The following GRID2 variants were observed in gnomAD, a reference collection of about 807,000 sequenced individuals.
The protein encoded by GRID2 is glutamate receptor ionotropic, delta-2.
A neutral mutation model predicts 114.8 loss-of-function variants in GRID2; 33 were observed. That is an observed-to-expected ratio of 0.29 (90% CI 0.22 to 0.38). The LOEUF (loss-of-function observed/expected upper bound fraction) is 0.38, where lower values mean the gene tolerates loss of function less well. Ranked by LOEUF, GRID2 falls within the 10% of genes least tolerant of loss-of-function variation. The pLI is 1.00. For missense variants in GRID2, 1,184 were observed against 1,257.7 expected (o/e 0.94, Z 0.89); for synonymous variants, 505 against 449.9 (o/e 1.12, Z -1.55).
At chr4:93,433,105 G>A (rs556850963) in intron 10 of GRID2, among the ~76,000 whole-genome samples, 14 of 152,224 alleles carry the variant, frequency 9.2e-5, no homozygotes, top group African/African-American at 2.4e-4. Flanking sequence ...TGTAACAAAT[G>A]TACCTCACCA....
intron 8 of GRID2, among the ~76,000 whole-genome samples, chr4:93,391,637 G>A (rs971810636): frequency 6.6e-6 from 1 of 152,040 alleles, no homozygotes; most frequent in Non-Finnish European, 1.5e-5. Flanking sequence ...AATTAAAATC[G>A]AGCAGTTCAG....
intron 2 of GRID2, among the ~76,000 whole-genome samples, chr4:92,990,281 G>GTATATATATATA (rs1424772351): frequency 8.0e-5 from 4 of 50,102 alleles, no homozygotes; most frequent in African/African-American, 2.4e-4. Context: ...ACGTAGATAT[G>GTATATATATATA]TGTGTGTATA....
At chr4:93,128,060 C>CAAAAAAAA (rs752622895) in intron 4 of GRID2, among the ~76,000 whole-genome samples, 5 of 68,858 alleles carry the variant, frequency 7.3e-5, no homozygotes, top group African/African-American at 1.0e-4. Context: ...AAAAAAAAAA[C>CAAAAAAAA]AACAGTACGT....
intron 1 of GRID2, among the ~76,000 whole-genome samples, chr4:92,342,110 A>G (rs950469656): frequency 1.3e-5 from 2 of 152,116 alleles, no homozygotes; most frequent in Non-Finnish European, 2.9e-5. Flanking sequence ...CCAAGTTGCT[A>G]TGCTCAGGGA....
chr4:93,356,261 T>C (rs956793063), intron 8 of GRID2, among the ~76,000 whole-genome samples: 1 of 152,084 alleles, frequency 6.6e-6, no homozygotes, highest in African/African-American at 2.4e-5. Flanking sequence ...TTATCAAGTA[T>C]AGAATACTTA....
chr4:93,394,474 T>C (rs531645678), intron 8 of GRID2, among the ~76,000 whole-genome samples: 19 of 152,038 alleles, frequency 1.2e-4, no homozygotes, highest in African/African-American at 4.6e-4. Context: ...ACTTGGGTTT[T>C]AATAGGAAGC....
At chr4:93,684,342 T>A (rs1725880792) in intron 14 of GRID2, among the ~76,000 whole-genome samples, 1 of 152,136 alleles carries the variant, frequency 6.6e-6, no homozygotes, top group South Asian at 2.1e-4. Flanking sequence ...ACTTAAAAGA[T>A]CTTAGTTTGA....
rs537672056 is a variant in GRID2, at chr4:93,730,143, A to G, written c.2361-39067A>G. Among the ~76,000 whole-genome samples, 4 of 152,316 alleles carry G rather than the reference A, an allele frequency of 2.6e-5. No homozygotes were observed. In the South Asian group the frequency reaches 8.3e-4, roughly 32 times the overall value. ...TTATCATTCTGAGTGCGAAAGAGAGATTAGGGATGGCAATAAAGATTGAAG... is the reference window on the plus strand; with the variant it reads ...TTATCATTCTGAGTGCGAAAGAGAGGTTAGGGATGGCAATAAAGATTGAAG... On this transcript the variant is annotated intron_variant, in intron 14 of 15. Transcript: ENST00000282020.
chr4:92,689,137 G>A (rs112668060), intron 2 of GRID2, among the ~76,000 whole-genome samples: 1,542 of 152,224 alleles, frequency 0.01, 25 homozygotes, highest in African/African-American at 0.036. Flanking sequence ...GAAAATAGAT[G>A]TGCTGTCATC....
chr4:93,387,890 T>C (rs1316844561), intron 8 of GRID2, among the ~76,000 whole-genome samples: 1 of 152,008 alleles, frequency 6.6e-6, no homozygotes, highest in Admixed American at 6.6e-5. Context: ...TTAAGGTTCT[T>C]GTTTAAAAAT....
chr4:93,692,825 AC>A (rs1726684224), intron 14 of GRID2, among the ~76,000 whole-genome samples: 1 of 152,176 alleles, frequency 6.6e-6, no homozygotes, highest in Admixed American at 6.6e-5. Flanking sequence ...GTAACTACTT[AC>A]AGTTTTTGCA....
At chr4:93,147,243 C>CA in intron 4 of GRID2, among the ~76,000 whole-genome samples, 1 of 151,956 alleles carries the variant, frequency 6.6e-6, no homozygotes, top group African/African-American at 2.4e-5. Flanking sequence ...CAGAGAGAAT[C>CA]AAAAAACAAA....
At chr4:93,041,202 G>C (rs1259418238) in intron 2 of GRID2, among the ~76,000 whole-genome samples, 1 of 152,130 alleles carries the variant, frequency 6.6e-6, no homozygotes, top group African/African-American at 2.4e-5. Context: ...TTTGCATACT[G>C]ATAGTGTATC....
intron 2 of GRID2, among the ~76,000 whole-genome samples, chr4:93,044,087 G>A (rs191829479): frequency 1.2e-4 from 18 of 152,124 alleles, no homozygotes; most frequent in African/African-American, 4.3e-4. Flanking sequence ...TTAGATAACT[G>A]CAGAAAACCA....
chr4:92,415,076 A>G (rs1731529256), intron 1 of GRID2, among the ~76,000 whole-genome samples: 1 of 152,072 alleles, frequency 6.6e-6, no homozygotes, highest in South Asian at 2.1e-4. Flanking sequence ...AACCCATAAC[A>G]TTAAGTATTT....
chr4:92,791,515 A>G (rs1455387420), intron 2 of GRID2, among the ~76,000 whole-genome samples: 2 of 151,930 alleles, frequency 1.3e-5, no homozygotes, highest in Admixed American at 1.3e-4. Flanking sequence ...TATGCTTTAA[A>G]TAAAGAATTA....
rs558846574 is a variant in GRID2 at position 93,683,250 on chromosome 4, A to G, written c.2360+56815A>G. ...TATAACCCTGCTCAGATCTCAAGTTACATCACAAGAGTCTGTGTTCTGGAA... is the reference window on the plus strand; with the variant it reads ...TATAACCCTGCTCAGATCTCAAGTTGCATCACAAGAGTCTGTGTTCTGGAA... On this transcript the variant is annotated intron_variant, in intron 14 of 15. Transcript: ENST00000282020. Among the ~76,000 whole-genome samples, 118 of 152,138 alleles carry G rather than the reference A, an allele frequency of 7.8e-4. 1 individual carries two copies. In the South Asian group the frequency reaches 0.011, roughly 14 times the overall value.
chr4:93,146,518 G>T (rs1193177934), intron 4 of GRID2, among the ~76,000 whole-genome samples: 1 of 151,814 alleles, frequency 6.6e-6, no homozygotes, highest in African/African-American at 2.4e-5. Flanking sequence ...AAATTCAATG[G>T]ACCCATGTGC....
intron 14 of GRID2, among the ~76,000 whole-genome samples, chr4:93,628,585 G>A (rs987453743): frequency 6.6e-6 from 1 of 152,060 alleles, no homozygotes; most frequent in African/African-American, 2.4e-5. Context: ...TGTGAGGATG[G>A]AAAAGCATAA....
Sources: gnomAD v4.1 joint callset for allele counts (sites outside exome capture counted in the v4.1 genomes callset) on GRCh38, gnomAD v4.1.1 for gene constraint, MANE v1.5 for transcripts, NCBI Gene and HGNC (gene_info 2026-07-23, HGNC 2026-07-21) for gene names.